Variants in MAN1A2 observed in about 807,000 individuals in gnomAD.
MAN1A2 encodes mannosidase alpha class 1A member 2, also known as mannosyl-oligosaccharide 1,2-alpha-mannosidase IB.
A neutral mutation model predicts 75.7 loss-of-function variants in MAN1A2; 26 were observed. That is an observed-to-expected ratio of 0.34 (90% CI 0.25 to 0.48). The LOEUF (loss-of-function observed/expected upper bound fraction) is 0.48, where lower values mean the gene tolerates loss of function less well. Ranked by LOEUF, MAN1A2 falls within the 20% of genes least tolerant of loss-of-function variation. The pLI is 0.99. For missense variants in MAN1A2, 562 were observed against 775.5 expected, an observed-to-expected ratio of 0.72 and a Z score of 3.27; for synonymous variants, 247 against 264.6, an observed-to-expected ratio of 0.93 and a Z score of 0.65.
intron 1 of MAN1A2, among the ~76,000 whole-genome samples, chr1:117,371,613 C>T (rs972525591): frequency 1.3e-5 from 2 of 151,892 alleles, no homozygotes; most frequent in Non-Finnish European, 1.5e-5. Flanking sequence ...TGTGAGAGCC[C>T]TAAGGAAAAA....
At chr1:117,503,007 A>C in intron 12 of MAN1A2, 37 bp downstream of exon 12, 1 of 1,147,672 alleles carries the variant, frequency 8.7e-7, no homozygotes, top group South Asian at 1.4e-5. Flanking sequence ...TTTATACTAG[A>C]CTGGTTTTGC....
At chr1:117,410,582 T>A (rs1290766113) in intron 3 of MAN1A2, among the ~76,000 whole-genome samples, 1 of 150,194 alleles carries the variant, frequency 6.7e-6, no homozygotes, top group Non-Finnish European at 1.5e-5. Flanking sequence ...AACATTGTAC[T>A]GGAGATCCTA....
chr1:117,484,377 T>G (rs550228014), intron 8 of MAN1A2, among the ~76,000 whole-genome samples: 1 of 152,088 alleles, frequency 6.6e-6, no homozygotes, highest in South Asian at 2.1e-4. Context: ...ACAGTCCAAC[T>G]TTTTGTTGTA....
chr1:117,443,929 T>C (rs1441087965), intron 6 of MAN1A2, among the ~76,000 whole-genome samples: 1 of 152,048 alleles, frequency 6.6e-6, no homozygotes, highest in Non-Finnish European at 1.5e-5. Flanking sequence ...AATTTTTTTT[T>C]TTTTGGCTGG....
intron 1 of MAN1A2, among the ~76,000 whole-genome samples, chr1:117,386,517 A>G (rs1653528826): frequency 2.0e-5 from 3 of 152,156 alleles, no homozygotes; most frequent in Admixed American, 2.0e-4. Flanking sequence ...TAGTGCATTT[A>G]AGAAAAACCA....
At position 117,414,680 on chromosome 1, in the gene MAN1A2, T is replaced by G. The variant is rs747426775; in HGVS notation, c.656-33T>G. 4 of 1,146,900 alleles carry G rather than the reference T, an allele frequency of 3.5e-6. No individual in the cohort carries two copies. The African/African-American group carries it at 6.1e-5, about 17-fold the overall frequency. 71.0% of individuals were successfully genotyped at this position (1,146,900 alleles called of 1,614,324 possible). ...AGAGAACAGGAACCTAAAGGGATCT[T>G]TTTAATGATAATTTTTTTCTTCCCA... On this transcript the variant is annotated intron_variant, in intron 3 of 12. Coordinates refer to ENST00000356554, the MANE Select transcript of MAN1A2 (RefSeq NM_006699.5).
intron 4 of MAN1A2, among the ~76,000 whole-genome samples, chr1:117,420,127 T>A (rs1223470842): frequency 6.6e-6 from 1 of 152,052 alleles, no homozygotes; most frequent in East Asian, 1.9e-4. Context: ...ACTTATTATA[T>A]ATTCTAGGAA....
At chr1:117,458,778 C>T (rs1027902527) in intron 6 of MAN1A2, among the ~76,000 whole-genome samples, 2 of 151,786 alleles carry the variant, frequency 1.3e-5, no homozygotes, top group African/African-American at 4.8e-5. Context: ...CCCACCTCGG[C>T]CTCCTGAAGT....
At chr1:117,451,518 C>G (rs976234660) in intron 6 of MAN1A2, among the ~76,000 whole-genome samples, 1 of 152,046 alleles carries the variant, frequency 6.6e-6, no homozygotes. Context: ...GGCCAGGGGC[C>G]GAATGATGTG....
intron 5 of MAN1A2, among the ~76,000 whole-genome samples, chr1:117,430,074 T>G (rs1245154174): frequency 6.6e-5 from 1 of 15,142 alleles, no homozygotes; most frequent in Non-Finnish European, 1.2e-4. Flanking sequence ...GCTGGCTGGG[T>G]GGGGGTGCTG....
intron 4 of MAN1A2, among the ~76,000 whole-genome samples, chr1:117,415,547 T>C (rs1476133664): frequency 6.6e-6 from 1 of 152,178 alleles, no homozygotes; most frequent in African/African-American, 2.4e-5. Flanking sequence ...TTCCTTTATA[T>C]TACTGTAGAA....
chr1:117,469,706 A>G (rs750386048), intron 8 of MAN1A2, among the ~76,000 whole-genome samples: 1 of 152,170 alleles, frequency 6.6e-6, no homozygotes, highest in African/African-American at 2.4e-5. Context: ...TGCAAAGAAG[A>G]TATGCAAATG....
rs1163901373 is a variant in MAN1A2 at position 117,524,000 on chromosome 1, AG to A, written c.*1044del. 1.3e-5 allele frequency: 2 copies of A among 152,316 alleles called. No homozygotes were observed. The highest frequency in any genetic ancestry group is 2.9e-5 in the Non-Finnish European group (2 of 67,846). 9.4% of individuals were successfully genotyped at this position (152,316 alleles called of 1,614,324 possible). A position where few individuals can be genotyped will look rare whatever the true frequency, so the allele number is the denominator to read the frequency against. The stretch of plus-strand genomic sequence containing the variant: ...AATTACTTTTATAACTTACTAAAGC[AG>A]AACAAACAGTGAAACTTTCTAAAAT... On this transcript the variant is annotated 3_prime_UTR_variant, in exon 13 of 13. Coordinates refer to ENST00000356554, the MANE Select transcript of MAN1A2 (RefSeq NM_006699.5).
chr1:117,400,102 G>C (rs991693639), intron 1 of MAN1A2, among the ~76,000 whole-genome samples: 1 of 152,032 alleles, frequency 6.6e-6, no homozygotes, highest in Non-Finnish European at 1.5e-5. Flanking sequence ...TGAGTCGCCT[G>C]AACAGATCAG....
chr1:117,372,014 A>T (rs1350960641), intron 1 of MAN1A2, among the ~76,000 whole-genome samples: 1 of 152,234 alleles, frequency 6.6e-6, no homozygotes, highest in East Asian at 1.9e-4. Flanking sequence ...TGCAAATTCT[A>T]GTCAGGATTC....
At chr1:117,468,763 G>T (rs1650053704) in intron 8 of MAN1A2, among the ~76,000 whole-genome samples, 1 of 152,036 alleles carries the variant, frequency 6.6e-6, no homozygotes, top group African/African-American at 2.4e-5. Context: ...TTATATTTTA[G>T]AATACCTGAC....
At chr1:117,420,534 C>T (rs558244944) in intron 4 of MAN1A2, 35 bp from the exon 5 acceptor site, 32 of 1,388,346 alleles carry the variant, frequency 2.3e-5, no homozygotes, top group East Asian at 2.3e-4. Context: ...TAAAGCATTA[C>T]GTATTTGTGA....
Position 117,499,458 on chromosome 1 carries a change from T to C in MAN1A2, c.1581T>C (p.Tyr527=). 1 of 1,608,628 alleles carries C rather than the reference T, an allele frequency of 6.2e-7. No homozygotes were observed. The change falls in exon 11 of 13, where the codon TAT becomes TAC. Residue 527 remains tyrosine, a synonymous_variant. Transcript: ENST00000356554. ...TGGCTGTCCGGCAGGCTGAAAAGTA[T>C]TATATCCTCCGTCCAGAAGTAATTG... is the stretch of plus-strand genomic sequence containing the variant. ...EAVAVRQAEK[Y]YILRPEVIET...
rs570210579 is a variant in MAN1A2, at chr1:117,368,923, A to G, written c.302+438A>G. On this transcript the variant is annotated intron_variant, in intron 1 of 12. Coordinates refer to ENST00000356554, the MANE Select transcript of MAN1A2 (RefSeq NM_006699.5). Reference sequence around the variant, plus strand: ...ACAGCTCTTTTGGGTGTGCTCTCCCAGAGGGCTCTCGTTTTCTGGCTTGTA... The same window carrying G: ...ACAGCTCTTTTGGGTGTGCTCTCCCGGAGGGCTCTCGTTTTCTGGCTTGTA... Among the ~76,000 whole-genome samples the G allele has an allele frequency of 2.0e-5, 3 of 152,296 alleles. No homozygotes were observed. In the East Asian group the frequency reaches 5.8e-4, roughly 29 times the overall value.
Sources: gnomAD v4.1 joint callset for allele counts (sites outside exome capture counted in the v4.1 genomes callset) on GRCh38, gnomAD v4.1.1 for gene constraint, MANE v1.5 for transcripts, NCBI Gene and HGNC (gene_info 2026-07-23, HGNC 2026-07-21) for gene names.